KIAA1328: variants seen among roughly 807,000 people sequenced by gnomAD.
The protein encoded by KIAA1328 is KIAA1328, also known as protein hinderin.
In KIAA1328, 52 loss-of-function variants were observed where a neutral mutation model predicts 68.1. The ratio of observed to expected loss-of-function variants is 0.76; its 90% CI spans 0.61 to 0.96. The LOEUF is 0.96. Ranked by LOEUF, KIAA1328 falls within the 40% of genes least tolerant of loss-of-function variation. KIAA1328 has a pLI of 0.00. For synonymous variants in KIAA1328, 232 were observed against 239.4 expected (o/e 0.97, Z 0.28); for missense variants, 641 against 677.6 (o/e 0.95, Z 0.60).
chr18:36,981,161 G>T (rs2052669070), intron 6 of KIAA1328, among the ~76,000 whole-genome samples: 1 of 152,010 alleles, frequency 6.6e-6, no homozygotes, highest in Non-Finnish European at 1.5e-5. Flanking sequence ...TAATTTATAG[G>T]GCATTGGGTA....
At chr18:37,024,666 T>A (rs2054494059) in intron 6 of KIAA1328, among the ~76,000 whole-genome samples, 1 of 152,144 alleles carries the variant, frequency 6.6e-6, no homozygotes, top group African/African-American at 2.4e-5. Context: ...CTGAGAATGA[T>A]GGTTTCCAGC....
At chr18:36,994,470 C>G (rs774129649) in intron 6 of KIAA1328, among the ~76,000 whole-genome samples, 1 of 152,124 alleles carries the variant, frequency 6.6e-6, no homozygotes, top group Non-Finnish European at 1.5e-5. Flanking sequence ...AGAAGATACT[C>G]CCTCCCTCGG....
chr18:36,880,523 A>C (rs549298482), intron 4 of KIAA1328, among the ~76,000 whole-genome samples: 2 of 152,302 alleles, frequency 1.3e-5, no homozygotes, highest in African/African-American at 4.8e-5. Flanking sequence ...CCAGCACATA[A>C]AAATTTTACT....
chr18:37,178,146 A>G (rs1277008807), intron 9 of KIAA1328, among the ~76,000 whole-genome samples: 1 of 152,050 alleles, frequency 6.6e-6, no homozygotes, highest in Non-Finnish European at 1.5e-5. Context: ...AGAACATCAG[A>G]ACTTATTCCT....
intron 7 of KIAA1328, among the ~76,000 whole-genome samples, chr18:37,110,879 A>G (rs2057911508): frequency 6.6e-6 from 1 of 152,170 alleles, no homozygotes. Context: ...TAATAATCCT[A>G]CAGAAAAAAG....
chr18:37,174,080 A>G (rs1342353809), intron 9 of KIAA1328, among the ~76,000 whole-genome samples: 1 of 152,222 alleles, frequency 6.6e-6, no homozygotes, highest in African/African-American at 2.4e-5. Flanking sequence ...AGTATCTGCC[A>G]TGTCCCTAGC....
At chr18:37,217,604 T>A (rs2060469714) in intron 9 of KIAA1328, among the ~76,000 whole-genome samples, 1 of 152,214 alleles carries the variant, frequency 6.6e-6, no homozygotes, top group African/African-American at 2.4e-5. Flanking sequence ...CTTAACATTT[T>A]TTGCTTCATT....
intron 7 of KIAA1328, among the ~76,000 whole-genome samples, chr18:37,099,024 G>A (rs367565024): frequency 2.6e-5 from 4 of 151,734 alleles, no homozygotes; most frequent in Admixed American, 6.6e-5. Flanking sequence ...TCAAAAAAAC[G>A]GCTCCTGGAT....
intron 7 of KIAA1328, among the ~76,000 whole-genome samples, chr18:37,097,957 C>T (rs577724689): frequency 3.9e-4 from 60 of 152,268 alleles, no homozygotes; most frequent in South Asian, 3.5e-3. Context: ...TGCTTATCAG[C>T]TTAAGGAGAT....
At chr18:36,947,061 G>A (rs2050932244) in intron 5 of KIAA1328, among the ~76,000 whole-genome samples, 1 of 152,170 alleles carries the variant, frequency 6.6e-6, no homozygotes, top group Non-Finnish European at 1.5e-5. Context: ...CTACTCGGGA[G>A]GCTGAAGCAG....
chr18:36,853,270 C>G (rs189240971), intron 4 of KIAA1328, among the ~76,000 whole-genome samples: 182 of 152,182 alleles, frequency 1.2e-3, no homozygotes, highest in African/African-American at 4.2e-3. Context: ...AAAGATTTAC[C>G]TCCACCCTTT....
intron 7 of KIAA1328, among the ~76,000 whole-genome samples, chr18:37,100,067 C>T (rs544547187): frequency 1.3e-5 from 2 of 152,210 alleles, no homozygotes; most frequent in Admixed American, 6.5e-5. Flanking sequence ...AGCATTTAGC[C>T]CTCCAGTCTA....
intron 6 of KIAA1328, among the ~76,000 whole-genome samples, chr18:37,058,579 G>C (rs2056016877): frequency 6.6e-6 from 1 of 151,998 alleles, no homozygotes; most frequent in Admixed American, 6.6e-5. Flanking sequence ...CAGGTATGCA[G>C]CGTGCCCCTG....
intron 7 of KIAA1328, among the ~76,000 whole-genome samples, chr18:37,154,307 T>C (rs1452825359): frequency 6.6e-6 from 1 of 152,314 alleles, no homozygotes; most frequent in East Asian, 1.9e-4. Flanking sequence ...TGCCAAGCTG[T>C]GAATCACTGC....
intron 6 of KIAA1328, among the ~76,000 whole-genome samples, chr18:36,961,522 G>A (rs1056939398): frequency 6.6e-5 from 10 of 152,046 alleles, no homozygotes; most frequent in African/African-American, 1.7e-4. Flanking sequence ...TGTCAGATTC[G>A]CCAAGGATGA....
intron 7 of KIAA1328, among the ~76,000 whole-genome samples, chr18:37,106,397 T>C (rs569457252): frequency 6.6e-6 from 1 of 151,964 alleles, no homozygotes; most frequent in Non-Finnish European, 1.5e-5. Context: ...TTAAGGATGA[T>C]TGCACAACTG....
At chr18:37,005,575 A>T (rs1485010371) in intron 6 of KIAA1328, among the ~76,000 whole-genome samples, 1 of 152,174 alleles carries the variant, frequency 6.6e-6, no homozygotes, top group Admixed American at 6.6e-5. Context: ...TAGAATTACT[A>T]ATTGAACCAC....
intron 7 of KIAA1328, among the ~76,000 whole-genome samples, chr18:37,078,399 C>G (rs1294845462): frequency 1.3e-5 from 2 of 151,908 alleles, no homozygotes; most frequent in African/African-American, 4.8e-5. Flanking sequence ...TAGGCAATAC[C>G]ATTCAGGACA....
At chr18:36,931,223 C>T (rs533419330) in intron 5 of KIAA1328, among the ~76,000 whole-genome samples, 4 of 152,148 alleles carry the variant, frequency 2.6e-5, no homozygotes, top group African/African-American at 9.7e-5. Context: ...GGTCCCCAGC[C>T]CCTGGGCTGC....
Sources: allele counts gnomAD v4.1 joint callset (sites outside exome capture counted in the v4.1 genomes callset), GRCh38; gene constraint gnomAD v4.1.1; transcripts MANE v1.5; gene names NCBI Gene and HGNC (gene_info 2026-07-23, HGNC 2026-07-21).